Variants in GBP6 observed in about 807,000 individuals in gnomAD.
GBP6 encodes guanylate-binding protein 6.
In GBP6, 54 loss-of-function variants were observed where a neutral mutation model predicts 61.5. That is an observed-to-expected ratio of 0.88 (90% CI 0.71 to 1.10). The LOEUF is 1.10. Among genes scored for constraint, GBP6 ranks in the 50% least tolerant of loss-of-function variants. The pLI is 0.00. For missense variants in GBP6, 748 were observed against 752.8 expected (o/e 0.99, Z 0.07); for synonymous variants, 255 against 273.7 (o/e 0.93, Z 0.67).
rs772532640 is a variant in GBP6, at chr1:89,381,927, G to T, written c.1105G>T (p.Glu369Ter). The T allele has an allele frequency of 6.2e-7, 1 of 1,613,828 alleles. No homozygotes were observed. Among genetic ancestry groups the T allele is most frequent in the South Asian group, 1.1e-5 (1 of 91,066 alleles). The change falls in exon 7 of 11, where the codon GAG becomes TAG. Residue 369 changes from glutamate (E) to a stop codon, truncating the protein, a stop_gained. Transcript: ENST00000370456. LOFTEE classifies it high-confidence loss of function. The stretch of plus-strand genomic sequence containing the variant: ...GAGGGAAGCCATTGCAATCTTCATG[G>T]AGCACTCCTTCAAGGATGAAAATCA... Reference protein sequence around the residue: ...CEREAIAIFMEHSFKDENQEF... With the variant: ...CEREAIAIFM
chr1:89,376,619 G>T (rs116837506), intron 3 of GBP6, among the ~76,000 whole-genome samples: 2,059 of 152,192 alleles, frequency 0.014, 51 homozygotes, highest in African/African-American at 0.047. Flanking sequence ...CTGTGGCTTT[G>T]CAATATATAT....
chr1:89,380,182 CT>C (rs1652925189), intron 5 of GBP6, among the ~76,000 whole-genome samples: 1 of 152,132 alleles, frequency 6.6e-6, no homozygotes, highest in Non-Finnish European at 1.5e-5. Flanking sequence ...TACATTTAGT[CT>C]TCAGAGGATT....
At chr1:89,379,116 A>C (rs1420069407) in intron 5 of GBP6, among the ~76,000 whole-genome samples, 2 of 152,196 alleles carry the variant, frequency 1.3e-5, no homozygotes, top group Non-Finnish European at 2.9e-5. Context: ...CAAGCATGGC[A>C]CCAGCATCTG....
chr1:89,371,497 G>A (rs529317308), intron 3 of GBP6, among the ~76,000 whole-genome samples: 52 of 152,154 alleles, frequency 3.4e-4, no homozygotes, highest in Non-Finnish European at 6.3e-4. Context: ...TGGGATGCAA[G>A]GCTGGTTCAA....
In GBP6 at chr1:89,382,779, CA is replaced by C. The variant is rs1231796640; in HGVS notation, c.1269del (p.Gly424GlufsTer31). ...AAGGGACTAATGGAAAGTATCTCAG[CA>C]GGAAGTTTCTCTGTTCCTGGAGGGC... ...LSKGLMESISAGSFSVPGGHK... is the reference protein window; with the variant it reads ...LSKGLMESISXGSFSVPGGHK... On this transcript the variant is annotated frameshift_variant, in exon 8 of 11. Coordinates refer to ENST00000370456, the MANE Select transcript of GBP6 (RefSeq NM_198460.3). LOFTEE classifies it high-confidence loss of function. 1.2e-6 allele frequency: 2 copies of C among 1,613,826 alleles called. No individual in the cohort carries two copies. The highest frequency in any genetic ancestry group is 2.7e-5 in the African/African-American group (2 of 74,890).
At chr1:89,376,927 T>C (rs1652824969) in intron 3 of GBP6, among the ~76,000 whole-genome samples, 1 of 152,140 alleles carries the variant, frequency 6.6e-6, no homozygotes, top group Non-Finnish European at 1.5e-5. Context: ...CCTGTCTAAA[T>C]AGTTTATTGT....
At chr1:89,366,062 C>T (rs1351654582) in intron 1 of GBP6, among the ~76,000 whole-genome samples, 1 of 152,038 alleles carries the variant, frequency 6.6e-6, no homozygotes, top group Non-Finnish European at 1.5e-5. Context: ...TGGAATTAAA[C>T]TTCACCTCTA....
At position 89,385,590 on chromosome 1, in the gene GBP6, G is replaced by C. The variant is rs546480861; in HGVS notation, c.*121G>C. Reference sequence around the variant, plus strand: ...ACTCTGTTGCCCAGGCTGGAGTACAGTGGTGCAATCTCAGCTCACTGCAAC... The same window carrying C: ...ACTCTGTTGCCCAGGCTGGAGTACACTGGTGCAATCTCAGCTCACTGCAAC... On this transcript the variant is annotated 3_prime_UTR_variant, in exon 11 of 11. Transcript: ENST00000370456. 104 of 951,956 alleles carry C rather than the reference G, an allele frequency of 1.1e-4. 3 individuals carry two copies. In the South Asian group the frequency reaches 1.8e-3, roughly 17 times the overall value. 59.0% of individuals were successfully genotyped at this position (951,956 alleles called of 1,614,324 possible).
chr1:89,381,785 T>C lies in GBP6; in HGVS notation c.963T>C (p.Arg321=). The change falls in exon 7 of 11, where the codon CGT becomes CGC. Residue 321 remains arginine (R), a synonymous_variant. Coordinates refer to ENST00000370456, the MANE Select transcript of GBP6 (RefSeq NM_198460.3). The part of the protein sequence containing the change: ...LENAVITLAQ[R]ENSAAVQRAA... ...ATGCAGTGATAACTCTGGCCCAGCGTGAGAACTCAGCGGCCGTGCAGAGGG... is the reference window on the plus strand; with the variant it reads ...ATGCAGTGATAACTCTGGCCCAGCGCGAGAACTCAGCGGCCGTGCAGAGGG... The C allele has an allele frequency of 5.0e-6, 8 of 1,614,050 alleles. No individual in the cohort carries two copies. The highest frequency in any genetic ancestry group is 6.8e-6 in the Non-Finnish European group (8 of 1,179,982).
chr1:89,373,550 C>T (rs1367307180), intron 3 of GBP6, among the ~76,000 whole-genome samples: 3 of 152,124 alleles, frequency 2.0e-5, no homozygotes, highest in African/African-American at 7.2e-5. Context: ...TCATTCTCAG[C>T]AAACTATCAC....
At chr1:89,375,944 AAC>A (rs1652797032) in intron 3 of GBP6, among the ~76,000 whole-genome samples, 1 of 152,020 alleles carries the variant, frequency 6.6e-6, no homozygotes, top group Non-Finnish European at 1.5e-5. Flanking sequence ...AACATTTTCC[AAC>A]CTTCCTGTTC....
At chr1:89,368,471 G>A (rs1652525466) in intron 1 of GBP6, 58 bp from the exon 2 acceptor site, 1 of 1,319,472 alleles carries the variant, frequency 7.6e-7, no homozygotes, top group Non-Finnish European at 1.1e-6. Context: ...CTATGTTGAT[G>A]GGTGCTTGGG....
intron 9 of GBP6, 94 bp from the exon 10 acceptor site, chr1:89,383,999 C>A: frequency 7.9e-7 from 1 of 1,269,124 alleles, no homozygotes; most frequent in Non-Finnish European, 1.1e-6. Flanking sequence ...ATTTCTCACC[C>A]TGCCTTTCAG....
At chr1:89,367,339 C>CT (rs535526551) in intron 1 of GBP6, among the ~76,000 whole-genome samples, 136 of 152,006 alleles carry the variant, frequency 8.9e-4, no homozygotes, top group Non-Finnish European at 1.4e-3. Flanking sequence ...AAGTTTTGGG[C>CT]TTTTTAAAAA....
intron 1 of GBP6, among the ~76,000 whole-genome samples, chr1:89,364,608 G>A (rs1652408139): frequency 7.1e-6 from 1 of 140,266 alleles, no homozygotes; most frequent in Non-Finnish European, 1.5e-5. Context: ...TAATTATATA[G>A]TCCAAACTCT....
intron 3 of GBP6, among the ~76,000 whole-genome samples, chr1:89,371,469 T>G (rs940301361): frequency 6.6e-6 from 1 of 152,134 alleles, no homozygotes; most frequent in African/African-American, 2.4e-5. Context: ...TCCACCATGA[T>G]CAAGTGGGCT....
intron 3 of GBP6, among the ~76,000 whole-genome samples, chr1:89,370,561 C>G (rs531682994): frequency 6.6e-6 from 1 of 152,268 alleles, no homozygotes; most frequent in East Asian, 1.9e-4. Flanking sequence ...TAATTTCTCT[C>G]TTTTATTATC....
intron 6 of GBP6, 146 bp downstream of exon 6, chr1:89,380,777 T>C: frequency 1.5e-6 from 1 of 685,262 alleles, no homozygotes; most frequent in Non-Finnish European, 2.3e-6. Flanking sequence ...TGTATAATTA[T>C]CACACTTATT....
chr1:89,381,256 G>T (rs893398643), intron 6 of GBP6, among the ~76,000 whole-genome samples: 2 of 128,816 alleles, frequency 1.6e-5, no homozygotes, highest in Admixed American at 8.7e-5. Context: ...CTGCACTCCA[G>T]CCTGGGCCTC....
Sources: allele counts gnomAD v4.1 joint callset (sites outside exome capture counted in the v4.1 genomes callset), GRCh38; gene constraint gnomAD v4.1.1; transcripts MANE v1.5; gene names NCBI Gene and HGNC (gene_info 2026-07-23, HGNC 2026-07-21).